Variants in VAT1L observed in about 807,000 individuals in gnomAD.
VAT1L encodes the protein vesicle amine transport 1 like, also known as putative NADPH-dependent quinone oxidoreductase VAT1L.
In VAT1L, 34 loss-of-function variants were observed where a neutral mutation model predicts 44.1. The observed-to-expected ratio is 0.77, with a 90% CI of 0.59 to 1.03. VAT1L has a LOEUF of 1.03. Ranked by LOEUF, VAT1L falls within the 50% of genes least tolerant of loss-of-function variation. The pLI, the probability that VAT1L is intolerant of heterozygous loss-of-function variation, is 0.00. For synonymous variants in VAT1L, 253 were observed against 202.2 expected, an observed-to-expected ratio of 1.25 and a Z score of -2.13; for missense variants, 615 against 538.8, an observed-to-expected ratio of 1.14 and a Z score of -1.40.
At chr16:77,836,122 T>C (rs1354897298) in intron 3 of VAT1L, among the ~76,000 whole-genome samples, 1 of 152,128 alleles carries the variant, frequency 6.6e-6, no homozygotes, top group Non-Finnish European at 1.5e-5. Flanking sequence ...CACCCACTGA[T>C]TTCTGAGACT....
In VAT1L at chr16:77,788,892, G is replaced by C; in HGVS notation, c.210G>C (p.Glu70Asp). ...RKAMPEPQDG[E>D]LKIRVKACGL... is the part of the protein sequence containing the mutation. ...CCATGCCCGAGCCTCAGGACGGCGA[G>C]CTCAAGATCCGCGTCAAAGCCTGGT... Residue 70 changes from glutamate to aspartate, a missense_variant, in exon 1 of 9, where the codon GAG becomes GAC. Physicochemically the swap from Glu to Asp is conservative, Grantham distance 45 (BLOSUM62 2). Coordinates refer to ENST00000302536, the MANE Select transcript of VAT1L (RefSeq NM_020927.3). The C allele has an allele frequency of 6.5e-7, 1 of 1,539,828 alleles. No individual in the cohort carries two copies. The highest frequency in any genetic ancestry group is 8.7e-7 in the Non-Finnish European group (1 of 1,145,318).
intron 7 of VAT1L, among the ~76,000 whole-genome samples, chr16:77,965,498 G>C (rs1169301876): frequency 6.6e-6 from 1 of 152,174 alleles, no homozygotes; most frequent in East Asian, 1.9e-4. Flanking sequence ...TGAATGACAT[G>C]ACTCAGATTT....
chr16:77,833,061 T>C (rs1024591903), intron 3 of VAT1L, among the ~76,000 whole-genome samples: 1 of 152,218 alleles, frequency 6.6e-6, no homozygotes, highest in Non-Finnish European at 1.5e-5. Context: ...AGAATCATGG[T>C]TTGCTCTTCT....
chr16:77,964,462 C>T (rs1400208122), intron 7 of VAT1L, among the ~76,000 whole-genome samples: 3 of 152,178 alleles, frequency 2.0e-5, no homozygotes. Context: ...CTCTGCTTCC[C>T]TTGTCCCATC....
Position 77,879,243 on chromosome 16 carries a change from C to G in VAT1L, c.882+19C>G, listed in dbSNP as rs755260351. On this transcript the variant is annotated intron_variant, in intron 6 of 8. Transcript: ENST00000302536. The surrounding 1 kb of genome is among the most constrained non-coding windows in gnomAD (Gnocchi z 4.1). Reference sequence around the variant, plus strand: ...AAAATCAGTAAGTATCCAGGCACATCTGATGTACTGTGGTGGCATGTTGAT... The same window carrying G: ...AAAATCAGTAAGTATCCAGGCACATGTGATGTACTGTGGTGGCATGTTGAT... 2.5e-6 allele frequency: 4 copies of G among 1,612,238 alleles called. No homozygotes were observed. The African/African-American group carries it at 5.3e-5, about 22-fold the overall frequency.
chr16:77,886,753 T>G (rs555003079), intron 7 of VAT1L, among the ~76,000 whole-genome samples: 14 of 152,186 alleles, frequency 9.2e-5, no homozygotes, highest in Admixed American at 2.0e-4. Flanking sequence ...TAGAAAGAGA[T>G]AAATTTGGAT....
At chr16:77,808,468 T>G (rs1465403216) in intron 1 of VAT1L, among the ~76,000 whole-genome samples, 4 of 151,906 alleles carry the variant, frequency 2.6e-5, no homozygotes, top group Non-Finnish European at 5.9e-5. Context: ...CCCAAAACCA[T>G]CCTCCCACCC....
intron 7 of VAT1L, among the ~76,000 whole-genome samples, chr16:77,955,585 G>A (rs959778366): frequency 2.0e-5 from 3 of 152,120 alleles, no homozygotes; most frequent in South Asian, 4.2e-4. Flanking sequence ...ATTAGCCAGG[G>A]GTGATGGCAC....
intron 1 of VAT1L, among the ~76,000 whole-genome samples, chr16:77,815,968 CAA>C (rs57312031): frequency 6.1e-5 from 2 of 32,938 alleles, no homozygotes; most frequent in Admixed American, 3.8e-4. Context: ...AACTCTGTCT[CAA>C]AAAAAAAAAA....
intron 7 of VAT1L, among the ~76,000 whole-genome samples, chr16:77,900,707 A>C (rs1195563271): frequency 6.8e-6 from 1 of 147,110 alleles, no homozygotes; most frequent in Non-Finnish European, 1.5e-5. Context: ...AAAAAAAAAA[A>C]AGAAAATAGA....
intron 3 of VAT1L, among the ~76,000 whole-genome samples, chr16:77,827,592 A>C (rs1354567379): frequency 6.6e-6 from 1 of 152,270 alleles, no homozygotes; most frequent in African/African-American, 2.4e-5. Context: ...GTCAATGCAC[A>C]TAGCACAGGC....
intron 2 of VAT1L, among the ~76,000 whole-genome samples, chr16:77,819,231 C>T (rs2016407116): frequency 6.6e-6 from 1 of 152,160 alleles, no homozygotes; most frequent in African/African-American, 2.4e-5. Context: ...CTGTTCATTA[C>T]ACTCTGTGCT....
intron 1 of VAT1L, among the ~76,000 whole-genome samples, chr16:77,789,255 C>T (rs754370783): frequency 1.5e-4 from 23 of 152,286 alleles, no homozygotes; most frequent in Non-Finnish European, 2.8e-4. Flanking sequence ...TGATGCTTAA[C>T]AGAATTAAAA....
At chr16:77,803,417 C>CTTTTTTT (rs11379202) in intron 1 of VAT1L, among the ~76,000 whole-genome samples, 15 of 105,500 alleles carry the variant, frequency 1.4e-4, no homozygotes, top group East Asian at 2.8e-4. Context: ...ACTAGACATT[C>CTTTTTTT]TTTTTTTTTT....
rs1173813514 is a variant in VAT1L at position 77,971,855 on chromosome 16, G to T, written c.1083G>T (p.Lys361Asn). ...VDSLWALEEV[K>N]EAMQRIHDRG... The stretch of plus-strand genomic sequence containing the variant: ...TTTCTCACCTTTTCGCGCAGGTGAA[G>T]GAGGCCATGCAGCGGATTCACGACC... The change falls in exon 8 of 9, where the codon AAG (lysine) becomes AAT (asparagine). Residue 361 changes from lysine (K) to asparagine (N), a missense_variant. Lys to Asn is a moderately conservative substitution (Grantham distance 94). Coordinates refer to ENST00000302536, the MANE Select transcript of VAT1L (RefSeq NM_020927.3). 2 of 1,613,526 alleles carry T rather than the reference G, an allele frequency of 1.2e-6. No individual in the cohort carries two copies.
intron 3 of VAT1L, among the ~76,000 whole-genome samples, chr16:77,850,923 AAC>A (rs939422323): frequency 1.3e-5 from 2 of 152,200 alleles, no homozygotes; most frequent in African/African-American, 4.8e-5. Flanking sequence ...CCAACTCTCA[AAC>A]AGTGTGTCAG....
chr16:77,866,442 A>G (rs765664474), intron 4 of VAT1L, among the ~76,000 whole-genome samples: 7 of 152,180 alleles, frequency 4.6e-5, no homozygotes, highest in Non-Finnish European at 7.3e-5. Context: ...GCCAGATTCC[A>G]TCTACTCTGT....
intron 3 of VAT1L, among the ~76,000 whole-genome samples, chr16:77,830,889 G>C (rs1234149748): frequency 6.6e-6 from 1 of 152,182 alleles, no homozygotes; most frequent in Non-Finnish European, 1.5e-5. Context: ...TCACCACGTT[G>C]GCGAGGCTGT....
chr16:77,970,013 T>C (rs1377179478), intron 7 of VAT1L, among the ~76,000 whole-genome samples: 2 of 126,628 alleles, frequency 1.6e-5, no homozygotes, highest in Non-Finnish European at 3.1e-5. Flanking sequence ...CAACAGTTCA[T>C]GAGCAGCCTG....
Sources: allele counts gnomAD v4.1 joint callset (sites outside exome capture counted in the v4.1 genomes callset), GRCh38; gene constraint gnomAD v4.1.1; non-coding constraint Gnocchi (gnomAD v3.1); transcripts MANE v1.5; gene names NCBI Gene and HGNC (gene_info 2026-07-23, HGNC 2026-07-21).